SNRPN: variants seen among roughly 807,000 people sequenced by gnomAD.
SNRPN encodes small nuclear ribonucleoprotein-associated protein N.
SNRPN carries 7 observed loss-of-function variants against 25.2 expected under a neutral mutation model. The observed-to-expected ratio is 0.28, with a 90% CI of 0.16 to 0.52. The LOEUF is 0.52. SNRPN is among the 20% of genes least tolerant of loss of function. The pLI, the probability that SNRPN is intolerant of heterozygous loss-of-function variation, is 0.96. For missense variants in SNRPN, 196 were observed against 322.5 expected (o/e 0.61, Z 3.00); for synonymous variants, 124 against 110.6 (o/e 1.12, Z -0.76).
chr15:24,955,191 C>T lies in SNRPN; in HGVS notation c.-391+129C>T, dbSNP rs2062635984. ...AATTTGGGCCCTAAAGTCCTTTGTT[C>T]TGGAGAACCAGATCCGGAATGTTCA... On this transcript the variant is annotated intron_variant, in intron 1 of 9. Transcript: ENST00000390687. 3 of 1,262,652 alleles carry T rather than the reference C, an allele frequency of 2.4e-6. No homozygotes were observed. In the South Asian group the frequency reaches 3.8e-5, roughly 16 times the overall value. The allele number at this position is 1,262,652 out of a possible 1,614,324, so 78.2% of individuals were successfully genotyped here. A position where few individuals can be genotyped will look rare whatever the true frequency, so the allele number is the denominator to read the frequency against.
chr15:24,870,615 AC>A (rs2055004409), intron 1 of SNRPN, among the ~76,000 whole-genome samples: 1 of 149,406 alleles, frequency 6.7e-6, no homozygotes, highest in Non-Finnish European at 1.5e-5. Context: ...GAACAACATT[AC>A]CAACTAAAGT....
At position 24,929,243 on chromosome 15, in the gene SNRPN, T is replaced by C. The variant is rs2060633936; in HGVS notation, c.-391+9119T>C. 6.6e-6 allele frequency among the ~76,000 whole-genome samples: 1 copy of C among 151,802 alleles called. No individual in the cohort carries two copies. Among genetic ancestry groups the C allele is most frequent in the African/African-American group, 2.4e-5 (1 of 41,276 alleles). ...TTCCATCCCAATCTACACCGCAGGGTTTTTCCTTGCCTTCCTATTTGTAGA... is the reference window on the plus strand; with the variant it reads ...TTCCATCCCAATCTACACCGCAGGGCTTTTCCTTGCCTTCCTATTTGTAGA... On this transcript the variant is annotated intron_variant, in intron 3 of 11. Coordinates refer to the SNRPN transcript ENST00000400097. The surrounding 1 kb of genome is among the most constrained non-coding windows in gnomAD (Gnocchi z 5.3).
At chr15:24,939,719 C>T (rs182574061) in intron 3 of SNRPN, among the ~76,000 whole-genome samples, 19 of 151,412 alleles carry the variant, frequency 1.3e-4, no homozygotes, top group African/African-American at 3.9e-4. Flanking sequence ...AGGCGTGAGC[C>T]GCTGCACCTG....
intron 2 of SNRPN, among the ~76,000 whole-genome samples, chr15:24,838,161 A>G (rs2051384459): frequency 6.6e-6 from 1 of 151,772 alleles, no homozygotes; most frequent in Non-Finnish European, 1.5e-5. Flanking sequence ...CAGCCTCCCA[A>G]GTAGCTGGGA....
chr15:24,910,387 G>A (rs1451194144), intron 2 of SNRPN, among the ~76,000 whole-genome samples: 2 of 152,148 alleles, frequency 1.3e-5, no homozygotes, highest in Non-Finnish European at 2.9e-5. Flanking sequence ...GCAGGCTGAG[G>A]TAGGAGGGTT....
upstream of SNRPN, among the ~76,000 whole-genome samples, chr15:24,853,144 AT>A (rs1338866458): frequency 6.6e-6 from 1 of 152,190 alleles, no homozygotes; most frequent in Admixed American, 6.5e-5. Flanking sequence ...TTTCCTTATT[AT>A]AAATCTTAAC....
intron 3 of SNRPN, among the ~76,000 whole-genome samples, chr15:24,923,427 C>T (rs891167603): frequency 6.6e-6 from 1 of 152,156 alleles, no homozygotes; most frequent in African/African-American, 2.4e-5. Context: ...CTGCTATTAC[C>T]TACAAAACCA....
chr15:24,857,264 C>G (rs1048653639), intron 1 of SNRPN, among the ~76,000 whole-genome samples: 1 of 152,186 alleles, frequency 6.6e-6, no homozygotes, highest in East Asian at 1.9e-4. Context: ...GTTTGCTTTT[C>G]TCCTTACCCC....
At chr15:24,924,514 T>A (rs1167584335) in intron 3 of SNRPN, among the ~76,000 whole-genome samples, 2 of 152,146 alleles carry the variant, frequency 1.3e-5, no homozygotes, top group Non-Finnish European at 2.9e-5. Flanking sequence ...AACCTCTGCC[T>A]GTATGAGCTG....
upstream of SNRPN, chr15:24,852,356 T>G (rs1238204734): frequency 6.6e-6 from 1 of 152,236 alleles, no homozygotes; most frequent in Non-Finnish European, 1.5e-5. Context: ...TCTAGGTTCC[T>G]AAGATGGAAA....
At chr15:24,903,718 G>C (rs2058611118) in intron 2 of SNRPN, among the ~76,000 whole-genome samples, 1 of 152,186 alleles carries the variant, frequency 6.6e-6, no homozygotes, top group Non-Finnish European at 1.5e-5. Context: ...TAATGGGAGA[G>C]ATAGTCCCAG....
intron 3 of SNRPN, among the ~76,000 whole-genome samples, chr15:24,946,232 TC>T (rs1380806900): frequency 6.6e-6 from 1 of 152,084 alleles, no homozygotes; most frequent in African/African-American, 2.4e-5. Flanking sequence ...GGCATCAGTT[TC>T]CTAATCTGTA....
intron 2 of SNRPN, among the ~76,000 whole-genome samples, chr15:24,891,570 T>A (rs899610043): frequency 6.6e-6 from 1 of 152,038 alleles, no homozygotes; most frequent in African/African-American, 2.4e-5. Context: ...CCCAAGTAGC[T>A]GGGATTGTAG....
rs560776854 is a variant in SNRPN, at chr15:24,938,215, A to G, written c.-391+18091A>G. Among the ~76,000 whole-genome samples, 16 of 151,206 alleles carry G rather than the reference A, an allele frequency of 1.1e-4. No individual in the cohort carries two copies. In the South Asian group the frequency reaches 3.3e-3, roughly 32 times the overall value. ...ACTGCAACCTCCACCTCCCAGGTTC[A>G]AGCGATTTTCGCTTGATTCTCCTGC... On this transcript the variant is annotated intron_variant, in intron 3 of 11. Transcript: ENST00000400097.
At chr15:24,905,918 C>A (rs1453305746) in intron 2 of SNRPN, among the ~76,000 whole-genome samples, 1 of 151,976 alleles carries the variant, frequency 6.6e-6, no homozygotes, top group Non-Finnish European at 1.5e-5. Flanking sequence ...GCAACAGACA[C>A]AAAGGTGATT....
At chr15:24,928,567 C>CA (rs77650861) in intron 3 of SNRPN, among the ~76,000 whole-genome samples, 14,556 of 151,588 alleles carry the variant, frequency 0.096, 1,019 homozygotes, top group East Asian at 0.36. Flanking sequence ...TGGTCAGTAT[C>CA]AAAAAAAATT....
chr15:24,928,567 C>A (rs905884207), intron 3 of SNRPN, among the ~76,000 whole-genome samples: 6 of 151,628 alleles, frequency 4.0e-5, no homozygotes, highest in South Asian at 2.1e-4. Context: ...TGGTCAGTAT[C>A]AAAAAAAATT....
chr15:24,924,251 C>A (rs2060238671), intron 3 of SNRPN, among the ~76,000 whole-genome samples: 1 of 151,828 alleles, frequency 6.6e-6, no homozygotes, highest in South Asian at 2.1e-4. Context: ...AGCTTATGTA[C>A]CCTCTTCTTA....
upstream of SNRPN, among the ~76,000 whole-genome samples, chr15:24,952,303 T>A (rs935680370): frequency 6.6e-6 from 1 of 152,112 alleles, no homozygotes; most frequent in Non-Finnish European, 1.5e-5. Context: ...TACAGAATAG[T>A]TTTATTGCAG....
Sources: gnomAD v4.1 joint callset for allele counts (sites outside exome capture counted in the v4.1 genomes callset) on GRCh38, gnomAD v4.1.1 for gene constraint, Gnocchi (gnomAD v3.1) non-coding constraint, MANE v1.5 for transcripts, NCBI Gene and HGNC (gene_info 2026-07-23, HGNC 2026-07-21) for gene names.